The following KIAA0319 variants were observed in gnomAD, a reference collection of about 807,000 sequenced individuals.
The protein encoded by KIAA0319 is KIAA0319.
Under a neutral mutation model 108.4 loss-of-function variants are expected in KIAA0319, and 83 were observed. The observed-to-expected ratio is 0.77, with a 90% CI of 0.64 to 0.92. The LOEUF is 0.92. Among genes scored for constraint, KIAA0319 ranks in the 40% least tolerant of loss-of-function variants. KIAA0319 has a pLI of 0.00. For synonymous variants in KIAA0319, 484 were observed against 510.4 expected, an observed-to-expected ratio of 0.95 and a Z score of 0.70; for missense variants, 1,195 against 1,322.4, an observed-to-expected ratio of 0.90 and a Z score of 1.49.
rs1388445966 is a variant in KIAA0319 at position 24,568,803 on chromosome 6, G to T, written c.2118C>A (p.Thr706=). 2 of 1,614,106 alleles carry T rather than the reference G, an allele frequency of 1.2e-6. No homozygotes were observed. Among genetic ancestry groups the T allele is most frequent in the South Asian group, 1.1e-5 (1 of 91,074 alleles). Reference sequence around the variant, plus strand: ...CACCCTTCTTCACAGCCACAGTGAGGGTGGACGTGCTGCTCAGTCCCTGCT... The same window carrying T: ...CACCCTTCTTCACAGCCACAGTGAGTGTGGACGTGCTGCTCAGTCCCTGCT... ...KDQQGLSSTS[T]LTVAVKKENN... is the part of the protein sequence containing the mutation. Residue 706 remains threonine, a synonymous_variant, in exon 13 of 21, where the codon ACC becomes ACA. Coordinates refer to ENST00000378214, the MANE Select transcript of KIAA0319 (RefSeq NM_014809.4).
chr6:24,639,622 G>A (rs1776662186), intron 1 of KIAA0319, among the ~76,000 whole-genome samples: 1 of 152,136 alleles, frequency 6.6e-6, no homozygotes, highest in South Asian at 2.1e-4. Context: ...GGCCAAGGCG[G>A]GCAGATCACG....
At chr6:24,638,966 G>T (rs1007619692) in intron 1 of KIAA0319, among the ~76,000 whole-genome samples, 6 of 152,106 alleles carry the variant, frequency 3.9e-5, no homozygotes, top group African/African-American at 1.4e-4. Flanking sequence ...TAAATGAGGT[G>T]ATGGATAGGT....
At position 24,566,665 on chromosome 6, in the gene KIAA0319, T is replaced by C. The variant is rs1271888323; in HGVS notation, c.2224A>G (p.Arg742Gly). ...ACAATTCTTTGGTCATCAGTAGACC[T>C]TGAACCATCCAAAGTAATGGAATTA... ...PNNSITLDGS[R>G]STDDQRIVSY... The change falls in exon 14 of 21, where the codon AGG becomes GGG. Residue 742 changes from arginine to glycine, a missense_variant. By Grantham distance (125) the Arg-to-Gly change is moderately radical (BLOSUM62 -2). Transcript: ENST00000378214. 6 of 1,613,758 alleles carry C rather than the reference T, an allele frequency of 3.7e-6. No homozygotes were observed. The highest frequency in any genetic ancestry group is 5.1e-6 in the Non-Finnish European group (6 of 1,179,814).
At chr6:24,600,551 C>T (rs895490135) in intron 2 of KIAA0319, 6 of 842,008 alleles carry the variant, frequency 7.1e-6, no homozygotes, top group Non-Finnish European at 1.2e-5. Flanking sequence ...GGCTGTGTTA[C>T]ATTTGGACAA....
At position 24,544,508 on chromosome 6, in the gene KIAA0319, C is replaced by T. The variant is rs1029119217; in HGVS notation, c.*2657G>A. 7 of 152,164 alleles carry T rather than the reference C, an allele frequency of 4.6e-5. No homozygotes were observed. The highest frequency in any genetic ancestry group is 8.8e-5 in the Non-Finnish European group (6 of 68,024). The allele number at this position is 152,164 out of a possible 1,614,324, so 9.4% of individuals were successfully genotyped here. A position where few individuals can be genotyped will look rare whatever the true frequency, so the allele number is the denominator to read the frequency against. ...AAACAATGGTAGTCACTCTCCTCCC[C>T]GCGCACAAAAGGTGGCATCACTGGC... On this transcript the variant is annotated 3_prime_UTR_variant, in exon 21 of 21. Transcript: ENST00000378214.
chr6:24,596,729 G>T, intron 2 of KIAA0319, 111 bp from the exon 3 acceptor site: 1 of 942,484 alleles, frequency 1.1e-6, no homozygotes. Flanking sequence ...AGTCTGGCAA[G>T]CAAATAAACA....
chr6:24,626,689 C>G (rs1774767859), intron 1 of KIAA0319, among the ~76,000 whole-genome samples: 1 of 152,206 alleles, frequency 6.6e-6, no homozygotes, highest in East Asian at 1.9e-4. Context: ...TATTGAACAC[C>G]TATGTTTGCA....
chr6:24,551,531 A>G lies in KIAA0319; in HGVS notation c.2949-6T>C. On this transcript the variant is annotated splice_region_variant and splice_polypyrimidine_tract_variant and intron_variant, in intron 19 of 20. Transcript: ENST00000378214. ...TGATTTTAGTCCTTTTTTGTCTGAA[A>G]GGAACAATGAAAAGCTCAACTCAGA... is the stretch of plus-strand genomic sequence containing the variant. 6.4e-7 allele frequency: 1 copy of G among 1,571,982 alleles called. No homozygotes were observed. The highest frequency in any genetic ancestry group is 8.8e-7 in the Non-Finnish European group (1 of 1,141,334).
At chr6:24,585,956 A>G (rs1050260769) in intron 4 of KIAA0319, among the ~76,000 whole-genome samples, 6 of 152,228 alleles carry the variant, frequency 3.9e-5, no homozygotes, top group East Asian at 1.9e-4. Context: ...GGGAATGGTC[A>G]TGGGTGCCTG....
intron 4 of KIAA0319, among the ~76,000 whole-genome samples, chr6:24,587,717 G>C (rs1358172169): frequency 6.6e-6 from 1 of 152,048 alleles, no homozygotes. Context: ...CTCCCAAGTA[G>C]CTGGGGTTAC....
intron 1 of KIAA0319, among the ~76,000 whole-genome samples, chr6:24,613,838 C>T (rs901375980): frequency 6.6e-6 from 1 of 152,020 alleles, no homozygotes; most frequent in Admixed American, 6.6e-5. Context: ...TTTTCAGAGC[C>T]GGCTAACAGC....
Position 24,599,062 on chromosome 6 carries a change from C to G in KIAA0319, c.55+1987G>C, listed in dbSNP as rs1467436147. On this transcript the variant is annotated intron_variant, in intron 2 of 20. Coordinates refer to ENST00000378214, the MANE Select transcript of KIAA0319 (RefSeq NM_014809.4). This position sits in a 1 kb window ranked among gnomAD's most constrained non-coding sequence, Gnocchi z 4.1. ...GAAGAGGAGATCCAGGAGCTGCAGT[C>G]CCAGATCTGGGACACATCTGTGGTG... 10 of 744,688 alleles carry G rather than the reference C, an allele frequency of 1.3e-5. 1 individual carries two copies. Among genetic ancestry groups the G allele is most frequent in the Non-Finnish European group, 2.1e-5 (9 of 422,352 alleles). 46.1% of individuals were successfully genotyped at this position (744,688 alleles called of 1,614,324 possible). A position where few individuals can be genotyped will look rare whatever the true frequency, so the allele number is the denominator to read the frequency against.
intron 3 of KIAA0319, 66 bp from the exon 4 acceptor site, chr6:24,588,851 C>A: frequency 7.8e-7 from 1 of 1,274,752 alleles, no homozygotes. Flanking sequence ...TCAAGCAACT[C>A]AATGTTACCA....
At chr6:24,577,433 T>C (rs543799995) in intron 9 of KIAA0319, among the ~76,000 whole-genome samples, 2 of 152,338 alleles carry the variant, frequency 1.3e-5, no homozygotes, top group East Asian at 3.9e-4. Context: ...GCTCAACCTC[T>C]GCAAACAAAA....
chr6:24,569,006 T>C (rs558240443), intron 12 of KIAA0319, 77 bp from the exon 13 acceptor site: 22 of 1,432,126 alleles, frequency 1.5e-5, no homozygotes, highest in Non-Finnish European at 2.0e-5. Flanking sequence ...ATTTGTGCTC[T>C]TATAAATGTT....
intron 4 of KIAA0319, among the ~76,000 whole-genome samples, chr6:24,587,976 A>G (rs919247125): frequency 6.6e-6 from 1 of 152,212 alleles, no homozygotes; most frequent in East Asian, 1.9e-4. Context: ...GAAAGTGCAG[A>G]ATCTTTAGCA....
chr6:24,595,844 AC>A, intron 3 of KIAA0319, 28 bp downstream of exon 3: 3 of 1,556,464 alleles, frequency 1.9e-6, no homozygotes, highest in Non-Finnish European at 1.7e-6. Context: ...AGCCCATCCC[AC>A]CCCCAAGCAC....
At chr6:24,621,368 C>A (rs1421917787) in intron 1 of KIAA0319, among the ~76,000 whole-genome samples, 1 of 152,062 alleles carries the variant, frequency 6.6e-6, no homozygotes, top group African/African-American at 2.4e-5. Context: ...ACCAAGCCCC[C>A]AAGTGTTCAT....
At chr6:24,638,650 C>T (rs997690471) in intron 1 of KIAA0319, among the ~76,000 whole-genome samples, 1 of 151,946 alleles carries the variant, frequency 6.6e-6, no homozygotes, top group African/African-American at 2.4e-5. Flanking sequence ...GTCCCAGCTA[C>T]TCGGGAGGCT....
Sources: allele counts gnomAD v4.1 joint callset (sites outside exome capture counted in the v4.1 genomes callset), GRCh38; gene constraint gnomAD v4.1.1; non-coding constraint Gnocchi (gnomAD v3.1); transcripts MANE v1.5; gene names NCBI Gene and HGNC (gene_info 2026-07-23, HGNC 2026-07-21).